The following RXFP1 variants were observed in gnomAD, a reference collection of about 807,000 sequenced individuals.
RXFP1 encodes the protein relaxin family peptide receptor 1.
Under a neutral mutation model 89.8 loss-of-function variants are expected in RXFP1, and 73 were observed. The ratio of observed to expected loss-of-function variants is 0.81; its 90% CI spans 0.67 to 0.99. The LOEUF is 0.99. RXFP1 is among the 50% of genes least tolerant of loss of function. The pLI, the probability that RXFP1 is intolerant of heterozygous loss-of-function variation, is 0.00. For synonymous variants in RXFP1, 277 were observed against 305.5 expected (o/e 0.91, Z 0.97); for missense variants, 793 against 895.5 (o/e 0.89, Z 1.46).
chr4:158,645,183 C>T, intron 15 of RXFP1, 45 bp downstream of exon 15: 1 of 1,413,532 alleles, frequency 7.1e-7, no homozygotes, highest in Non-Finnish European at 1.0e-6. Flanking sequence ...TTGAAATATA[C>T]AAAAGCTTTA....
At chr4:158,552,063 T>G (rs1212192629) in intron 1 of RXFP1, among the ~76,000 whole-genome samples, 1 of 152,214 alleles carries the variant, frequency 6.6e-6, no homozygotes, top group Non-Finnish European at 1.5e-5. Context: ...AAGGAAGTTA[T>G]TAAAAATGTG....
At chr4:158,549,148 T>C (rs1312385420) in intron 1 of RXFP1, among the ~76,000 whole-genome samples, 2 of 150,458 alleles carry the variant, frequency 1.3e-5, no homozygotes, top group African/African-American at 2.5e-5. Context: ...CTTTGTTCGT[T>C]TCTTTTTATT....
intron 6 of RXFP1, among the ~76,000 whole-genome samples, chr4:158,611,379 G>A (rs1763549120): frequency 6.6e-6 from 1 of 152,198 alleles, no homozygotes; most frequent in Non-Finnish European, 1.5e-5. Context: ...GGAGTGGGAT[G>A]TAAAGATGGG....
chr4:158,568,041 C>T (rs191332411), intron 1 of RXFP1, among the ~76,000 whole-genome samples: 40 of 152,302 alleles, frequency 2.6e-4, no homozygotes, highest in Admixed American at 2.2e-3. Flanking sequence ...AGACCACGAA[C>T]CCACTGGGAG....
chr4:158,542,109 A>ATATACATATTT, intron 1 of RXFP1, among the ~76,000 whole-genome samples: 2 of 35,254 alleles, frequency 5.7e-5, no homozygotes, highest in African/African-American at 1.9e-4. Flanking sequence ...ATATATATAT[A>ATATACATATTT]TTTTTTTTTT....
chr4:158,621,605 C>CA (rs897625613), intron 9 of RXFP1, among the ~76,000 whole-genome samples: 16 of 151,372 alleles, frequency 1.1e-4, no homozygotes, highest in African/African-American at 3.4e-4. Context: ...ATATTAGACA[C>CA]AAAAAAAACC....
intron 1 of RXFP1, among the ~76,000 whole-genome samples, chr4:158,541,720 C>G (rs1746680815): frequency 1.3e-5 from 2 of 152,028 alleles, no homozygotes; most frequent in South Asian, 2.1e-4. Context: ...ATTTGAGACT[C>G]ACTGACGACA....
intron 1 of RXFP1, among the ~76,000 whole-genome samples, chr4:158,523,924 T>C (rs1741803126): frequency 6.6e-6 from 1 of 152,166 alleles, no homozygotes; most frequent in Non-Finnish European, 1.5e-5. Flanking sequence ...TGTTTTTATA[T>C]CCACTTTCCT....
At chr4:158,634,931 TTGTAGTATGTTTTGA>T in intron 12 of RXFP1, among the ~76,000 whole-genome samples, 1 of 152,290 alleles carries the variant, frequency 6.6e-6, no homozygotes, top group Non-Finnish European at 1.5e-5. Context: ...TGCTGTAGCT[TTGTAGTATGTTTTGA>T]AATTAAGTGG....
At chr4:158,558,436 C>G (rs1429644687) in intron 1 of RXFP1, among the ~76,000 whole-genome samples, 3 of 152,158 alleles carry the variant, frequency 2.0e-5, no homozygotes, top group Admixed American at 2.0e-4. Context: ...TGGAATTGAG[C>G]AATGGGTAGA....
intron 9 of RXFP1, among the ~76,000 whole-genome samples, chr4:158,624,103 A>G (rs1419441169): frequency 1.3e-5 from 2 of 152,200 alleles, no homozygotes; most frequent in East Asian, 3.8e-4. Context: ...AAGAATGCCC[A>G]AAGAACATTC....
At chr4:158,572,617 A>C in intron 1 of RXFP1, 81 bp from the exon 2 acceptor site, 3 of 1,244,814 alleles carry the variant, frequency 2.4e-6, no homozygotes, top group Non-Finnish European at 2.3e-6. Context: ...AATGATTATA[A>C]AATATCAGGG....
chr4:158,602,059 G>T (rs1761786774), intron 4 of RXFP1, among the ~76,000 whole-genome samples: 1 of 152,052 alleles, frequency 6.6e-6, no homozygotes, highest in South Asian at 2.1e-4. Context: ...AACCCTCTTT[G>T]ACTCTGTGAA....
chr4:158,650,824 A>G (rs1339487140), intron 17 of RXFP1, among the ~76,000 whole-genome samples: 1 of 152,144 alleles, frequency 6.6e-6, no homozygotes, highest in Non-Finnish European at 1.5e-5. Flanking sequence ...GTTCTGTACT[A>G]TGGATGATGG....
At chr4:158,568,774 A>G (rs1460111097) in intron 1 of RXFP1, among the ~76,000 whole-genome samples, 1 of 152,238 alleles carries the variant, frequency 6.6e-6, no homozygotes, top group Non-Finnish European at 1.5e-5. Flanking sequence ...TCATACATGG[A>G]TTGCTTCTCT....
At chr4:158,548,478 T>C (rs1298847220) in intron 1 of RXFP1, among the ~76,000 whole-genome samples, 1 of 152,208 alleles carries the variant, frequency 6.6e-6, no homozygotes, top group South Asian at 2.1e-4. Flanking sequence ...TATGTGTGTG[T>C]TTGGTCCTGT....
At position 158,586,629 on chromosome 4, in the gene RXFP1, C is replaced by T. The variant is rs1275638152; in HGVS notation, c.188-6772C>T. Among the ~76,000 whole-genome samples the T allele has an allele frequency of 2.6e-5, 4 of 152,182 alleles. No individual in the cohort carries two copies. The South Asian group carries it at 8.3e-4, about 32-fold the overall frequency. On this transcript the variant is annotated intron_variant, in intron 2 of 17. Transcript: ENST00000307765. ...AAACACATATACCAAAAGCTGTTTTCTTTAAAATGCTAACTCTCCAACTTT... is the reference window on the plus strand; with the variant it reads ...AAACACATATACCAAAAGCTGTTTTTTTTAAAATGCTAACTCTCCAACTTT...
At chr4:158,563,656 C>T in intron 1 of RXFP1, among the ~76,000 whole-genome samples, 1 of 151,908 alleles carries the variant, frequency 6.6e-6, no homozygotes, top group African/African-American at 2.4e-5. Flanking sequence ...ATCTGCATTT[C>T]TATCAACAAT....
chr4:158,612,096 T>A, intron 6 of RXFP1, 34 bp from the exon 7 acceptor site: 1 of 1,512,656 alleles, frequency 6.6e-7, no homozygotes, highest in Non-Finnish European at 9.0e-7. Context: ...ATCAAAAATA[T>A]ACAAATTTAT....
Sources: gnomAD v4.1 joint callset for allele counts (sites outside exome capture counted in the v4.1 genomes callset) on GRCh38, gnomAD v4.1.1 for gene constraint, MANE v1.5 for transcripts, NCBI Gene and HGNC (gene_info 2026-07-23, HGNC 2026-07-21) for gene names.